Variants in CRAMP1 observed in about 807,000 individuals in gnomAD.
CRAMP1 encodes the protein cramped chromatin regulator 1.
Under a neutral mutation model 115.4 loss-of-function variants are expected in CRAMP1, and 50 were observed. The observed-to-expected ratio is 0.43, with a 90% CI of 0.35 to 0.55. The LOEUF (loss-of-function observed/expected upper bound fraction) is 0.55. Ranked by LOEUF, CRAMP1 falls within the 20% of genes least tolerant of loss-of-function variation. The pLI, the probability that CRAMP1 is intolerant of heterozygous loss-of-function variation, is 0.01. For synonymous variants in CRAMP1, 866 were observed against 745.4 expected, an observed-to-expected ratio of 1.16 and a Z score of -2.64; for missense variants, 1,679 against 1,721.7, an observed-to-expected ratio of 0.98 and a Z score of 0.44.
At chr16:1,658,253 G>T (rs1567459122) in intron 10 of CRAMP1, among the ~76,000 whole-genome samples, 1 of 152,104 alleles carries the variant, frequency 6.6e-6, no homozygotes, top group Non-Finnish European at 1.5e-5. Context: ...CACCTCTGAG[G>T]CCAAGCCTGA....
chr16:1,632,363 A>T lies in CRAMP1; in HGVS notation c.692A>T (p.His231Leu). ...HKITKYIDFD[H>L]VFSRGLKKSS... ...ATCACCAAGTACATCGACTTTGATCATGGTGAGTGTGCCACGGGCCAGGCT... is the reference window on the plus strand; with the variant it reads ...ATCACCAAGTACATCGACTTTGATCTTGGTGAGTGTGCCACGGGCCAGGCT... Residue 231 changes from histidine (H) to leucine (L), a missense_variant and splice_region_variant, in exon 4 of 21, where the codon CAT becomes CTT. Physicochemically the swap from His to Leu is moderately conservative, Grantham distance 99. Coordinates refer to ENST00000397412, the MANE Select transcript of CRAMP1 (RefSeq NM_020825.4). The T allele has an allele frequency of 6.3e-7, 1 of 1,588,932 alleles. No homozygotes were observed. Among genetic ancestry groups the T allele is most frequent in the Non-Finnish European group, 8.6e-7 (1 of 1,168,138 alleles).
At chr16:1,642,709 G>A (rs2036642559) in intron 6 of CRAMP1, among the ~76,000 whole-genome samples, 1 of 152,242 alleles carries the variant, frequency 6.6e-6, no homozygotes, top group Admixed American at 6.5e-5. Context: ...CTGACCAGTA[G>A]GCAAGGGGCT....
intron 2 of CRAMP1, among the ~76,000 whole-genome samples, chr16:1,621,881 G>A (rs2036468372): frequency 1.3e-5 from 2 of 152,156 alleles, no homozygotes; most frequent in Non-Finnish European, 2.9e-5. Flanking sequence ...TGGGTGTCCT[G>A]CACCCAGAGA....
Position 1,672,277 on chromosome 16 carries a change from C to T in CRAMP1, c.3645+1468C>T, listed in dbSNP as rs60082045. On this transcript the variant is annotated intron_variant, in intron 20 of 20. Transcript: ENST00000397412. The surrounding 1 kb of genome is among the most constrained non-coding windows in gnomAD (Gnocchi z 4.9). ...AAGGGTGCAGTTAGTATTTGTGAAA[C>T]GCTGCCCGTCGCGAGTAATGCAAAC... Among the ~76,000 whole-genome samples the T allele has an allele frequency of 0.014, 2,200 of 152,284 alleles. 58 individuals carry two copies. The highest frequency in any genetic ancestry group is 0.05 in the African/African-American group (2,085 of 41,520).
At chr16:1,626,209 C>T in intron 3 of CRAMP1, 43 bp downstream of exon 3, 1 of 1,430,646 alleles carries the variant, frequency 7.0e-7, no homozygotes, top group South Asian at 1.5e-5. Context: ...CTGGGCGTCC[C>T]TCTCGGATCC....
At position 1,640,771 on chromosome 16, in the gene CRAMP1, G is replaced by A. The variant is rs62040016; in HGVS notation, c.779-368G>A. 7.2e-5 allele frequency among the ~76,000 whole-genome samples: 11 copies of A among 152,348 alleles called. No homozygotes were observed. The South Asian group carries it at 1.7e-3, about 23-fold the overall frequency. Reference sequence around the variant, plus strand: ...CAGGAAGTGTGCGTGGGCAGGTGTGGTGCCTGCAGGAAGCAGCTGTTGAGC... The same window carrying A: ...CAGGAAGTGTGCGTGGGCAGGTGTGATGCCTGCAGGAAGCAGCTGTTGAGC... On this transcript the variant is annotated intron_variant, in intron 5 of 20. Coordinates refer to ENST00000397412, the MANE Select transcript of CRAMP1 (RefSeq NM_020825.4).
At chr16:1,626,587 C>A (rs1303258183) in intron 3 of CRAMP1, among the ~76,000 whole-genome samples, 1 of 151,968 alleles carries the variant, frequency 6.6e-6, no homozygotes. Flanking sequence ...TGAGAAACCT[C>A]ACGAGATGTT....
rs1266918087 is a variant in CRAMP1, at chr16:1,666,005, G to A, written c.2753-68G>A. On this transcript the variant is annotated intron_variant, in intron 14 of 20. Transcript: ENST00000397412. The surrounding 1 kb of genome is among the most constrained non-coding windows in gnomAD (Gnocchi z 5.0). Reference sequence around the variant, plus strand: ...AGTGGCTGTAAAGGAAGCCCCCTGCGGCCACATCCTGCTGTGAGGGCATGG... The same window carrying A: ...AGTGGCTGTAAAGGAAGCCCCCTGCAGCCACATCCTGCTGTGAGGGCATGG... 13 of 1,037,024 alleles carry A rather than the reference G, an allele frequency of 1.3e-5. No individual in the cohort carries two copies. The highest frequency in any genetic ancestry group is 2.0e-4 in the Middle Eastern group (1 of 5,000). The allele number at this position is 1,037,024 out of a possible 1,614,324, so 64.2% of individuals were successfully genotyped here.
chr16:1,625,919 G>C (rs2036504300), intron 2 of CRAMP1, 54 bp from the exon 3 acceptor site: 1 of 1,535,302 alleles, frequency 6.5e-7, no homozygotes. Context: ...CCTCTACCCT[G>C]CCCAGCCCGC....
In CRAMP1 at chr16:1,656,454, A is replaced by C; in HGVS notation, c.1697A>C (p.Lys566Thr). 6.3e-7 allele frequency: 1 copy of C among 1,582,354 alleles called. No homozygotes were observed. The highest frequency in any genetic ancestry group is 8.6e-7 in the Non-Finnish European group (1 of 1,164,914). The change falls in exon 10 of 21, where the codon AAG becomes ACG. Residue 566 changes from lysine (K) to threonine (T), a missense_variant. This residue lies in a region of CRAMP1 where 405 missense variants were observed against 302.6 expected (regional missense o/e 1.34). Coordinates refer to ENST00000397412, the MANE Select transcript of CRAMP1 (RefSeq NM_020825.4). The surrounding 1 kb of genome is among the most constrained non-coding windows in gnomAD (Gnocchi z 5.6). ...CTAGACCCCTTGCCCCGCTACCTAA[A>C]GTCCTGTCAGGACCTCATTGTCCCC... ...SLLDPLPRYL[K>T]SCQDLIVPEQ...
Position 1,674,496 on chromosome 16 carries a change from A to G in CRAMP1, c.*451A>G. ...GCTTGCTTTCTGCCAAACCTGTGCT[A>G]TGCATCAGCTGTGCCCTCTGTGGAC... On this transcript the variant is annotated 3_prime_UTR_variant, in exon 21 of 21. Transcript: ENST00000397412. 5.3e-6 allele frequency: 1 copy of G among 190,128 alleles called. No individual in the cohort carries two copies. Among genetic ancestry groups the G allele is most frequent in the Non-Finnish European group, 1.1e-5 (1 of 90,768 alleles). The allele number at this position is 190,128 out of a possible 1,614,324, so 11.8% of individuals were successfully genotyped here.
intron 6 of CRAMP1, among the ~76,000 whole-genome samples, chr16:1,644,256 C>T (rs372603976): frequency 3.3e-5 from 5 of 152,112 alleles, no homozygotes; most frequent in South Asian, 4.1e-4. Context: ...GTGTGAGACA[C>T]GGAGAAAAGG....
chr16:1,637,759 C>G (rs2036600242), intron 4 of CRAMP1, 65 bp from the exon 5 acceptor site: 1 of 774,270 alleles, frequency 1.3e-6, no homozygotes. Context: ...GTGTGGCTCT[C>G]ACACCCAAGC....
At chr16:1,636,509 A>T (rs908839335) in intron 4 of CRAMP1, among the ~76,000 whole-genome samples, 2 of 152,168 alleles carry the variant, frequency 1.3e-5, no homozygotes. Context: ...AATCCTCCTC[A>T]TATCTTGAAA....
rs532911794 is a variant in CRAMP1, at chr16:1,624,107, A to G, written c.347-1866A>G. Among the ~76,000 whole-genome samples the G allele has an allele frequency of 2.1e-4, 32 of 150,362 alleles. No homozygotes were observed. In the South Asian group the frequency reaches 5.3e-3, roughly 25 times the overall value. Reference sequence around the variant, plus strand: ...CGCATGTGGACATTGACTACTAGAAATGGGGCTGGCGTGACTGAGAGGCTG... The same window carrying G: ...CGCATGTGGACATTGACTACTAGAAGTGGGGCTGGCGTGACTGAGAGGCTG... On this transcript the variant is annotated intron_variant, in intron 2 of 20. Coordinates refer to ENST00000397412, the MANE Select transcript of CRAMP1 (RefSeq NM_020825.4).
rs886470727 is a variant in CRAMP1 at position 1,612,595 on chromosome 16, G to A, written c.-64G>A. Among the ~76,000 whole-genome samples the A allele has an allele frequency of 1.3e-5, 2 of 151,890 alleles. No homozygotes were observed. The highest frequency in any genetic ancestry group is 2.9e-5 in the Non-Finnish European group (2 of 67,898). On this transcript the variant is annotated 5_prime_UTR_variant, in exon 1 of 21. Coordinates refer to ENST00000397412, the MANE Select transcript of CRAMP1 (RefSeq NM_020825.4). ...GGGGCCGGGGCTGCCCGGCCCGGCT[G>A]GTTCTGCGGGCACCCGGGGAGGCCC...
chr16:1,625,942 A>G (rs1227211289), intron 2 of CRAMP1, 31 bp from the exon 3 acceptor site: 9 of 1,549,818 alleles, frequency 5.8e-6, no homozygotes, highest in Admixed American at 2.0e-5. Flanking sequence ...GCTTTCTGGA[A>G]CAGATCACTG....
chr16:1,646,437 T>A (rs1026118305), intron 6 of CRAMP1, among the ~76,000 whole-genome samples: 5 of 152,228 alleles, frequency 3.3e-5, no homozygotes, highest in African/African-American at 1.2e-4. Flanking sequence ...GCTGTGGTTT[T>A]GATGCGTTTC....
chr16:1,635,859 G>T (rs571386589), intron 4 of CRAMP1, among the ~76,000 whole-genome samples: 14 of 152,254 alleles, frequency 9.2e-5, no homozygotes, highest in African/African-American at 2.9e-4. Flanking sequence ...TCTATGGATC[G>T]TTCTACTCTG....
Sources: allele counts gnomAD v4.1 joint callset (sites outside exome capture counted in the v4.1 genomes callset), GRCh38; gene constraint gnomAD v4.1.1; regional missense constraint gnomAD v4.1.1; non-coding constraint Gnocchi (gnomAD v3.1); transcripts MANE v1.5; gene names NCBI Gene and HGNC (gene_info 2026-07-23, HGNC 2026-07-21).